SNW1: variants seen among roughly 807,000 people sequenced by gnomAD.
SNW1 encodes the protein SNW domain containing 1.
SNW1 carries 9 observed loss-of-function variants against 75.6 expected under a neutral mutation model. That is an observed-to-expected ratio of 0.12 (90% CI 0.07 to 0.21). The LOEUF is 0.21. Ranked by LOEUF, SNW1 falls within the 10% of genes least tolerant of loss-of-function variation. The pLI, the probability that SNW1 is intolerant of heterozygous loss-of-function variation, is 1.00. For synonymous variants in SNW1, 200 were observed against 219.1 expected (o/e 0.91, Z 0.77); for missense variants, 409 against 670.9 (o/e 0.61, Z 4.31).
chr14:77,725,572 G>A (rs923397213), intron 10 of SNW1, among the ~76,000 whole-genome samples: 1 of 152,172 alleles, frequency 6.6e-6, no homozygotes, highest in African/African-American at 2.4e-5. Context: ...ACAGCATTAT[G>A]TATTGAAGAG....
intron 2 of SNW1, 121 bp downstream of exon 2, chr14:77,754,846 C>G: frequency 1.1e-6 from 1 of 896,318 alleles, no homozygotes; most frequent in Non-Finnish European, 1.6e-6. Flanking sequence ...GAGCACATAA[C>G]CAGAATTTCT....
chr14:77,751,478 A>G lies in SNW1; in HGVS notation c.171T>C (p.Asp57=), dbSNP rs1293124275. The change falls in exon 3 of 14, where the codon GAT becomes GAC. Residue 57 remains aspartate (D), a splice_region_variant and synonymous_variant. Coordinates refer to ENST00000261531, the MANE Select transcript of SNW1 (RefSeq NM_012245.3). Reference sequence around the variant, plus strand: ...CTGGAAAAGCACCTCCATCTCCAAAATCCTACACATTAGAAGTAGTTAAAT... The same window carrying G: ...CTGGAAAAGCACCTCCATCTCCAAAGTCCTACACATTAGAAGTAGTTAAAT... ...RKGWIPRLLE[D]FGDGGAFPEI... is the part of the protein sequence containing the mutation. 2 of 1,601,680 alleles carry G rather than the reference A, an allele frequency of 1.2e-6. No homozygotes were observed.
intron 10 of SNW1, 50 bp from the exon 11 acceptor site, chr14:77,723,327 G>A (rs768917381): frequency 1.5e-6 from 2 of 1,294,560 alleles, no homozygotes; most frequent in African/African-American, 2.9e-5. Context: ...TTATATGTGT[G>A]CATACGTGTA....
intron 2 of SNW1, among the ~76,000 whole-genome samples, chr14:77,752,082 TAA>T (rs749506055): frequency 1.3e-5 from 2 of 152,072 alleles, no homozygotes; most frequent in Non-Finnish European, 2.9e-5. Context: ...CGAAACTAAG[TAA>T]AATGGCTAGG....
intron 10 of SNW1, among the ~76,000 whole-genome samples, chr14:77,724,982 T>TC (rs200490067): frequency 0.011 from 1,624 of 152,208 alleles, 35 homozygotes; most frequent in African/African-American, 0.037. Context: ...GTACTAGTGT[T>TC]CCCCCCCTTC....
chr14:77,741,774 A>T (rs1227629352), intron 3 of SNW1, among the ~76,000 whole-genome samples: 3 of 152,164 alleles, frequency 2.0e-5, no homozygotes, highest in Non-Finnish European at 4.4e-5. Flanking sequence ...AGAGTTAATC[A>T]TGAGGAGTTT....
chr14:77,740,131 A>C (rs139251586), intron 3 of SNW1, among the ~76,000 whole-genome samples: 9 of 69,444 alleles, frequency 1.3e-4, no homozygotes, highest in African/African-American at 4.8e-4. Flanking sequence ...AAGACACTGT[A>C]TATTAAAAAA....
chr14:77,758,105 G>T (rs1354580723), intron 1 of SNW1, among the ~76,000 whole-genome samples: 1 of 152,028 alleles, frequency 6.6e-6, no homozygotes, highest in Non-Finnish European at 1.5e-5. Context: ...CAAGGCAGGT[G>T]GATTACTTGA....
chr14:77,758,319 A>AAAAG (rs1386473484), intron 1 of SNW1, among the ~76,000 whole-genome samples: 1 of 115,344 alleles, frequency 8.7e-6, no homozygotes, highest in Non-Finnish European at 2.1e-5. Flanking sequence ...CTGCCACAAA[A>AAAAG]AAAAAAAAAA....
rs1442237658 is a variant in SNW1 at position 77,741,757 on chromosome 14, T to A, written c.331-2696A>T. On this transcript the variant is annotated intron_variant, in intron 3 of 13. Coordinates refer to ENST00000261531, the MANE Select transcript of SNW1 (RefSeq NM_012245.3). ...AACAACACAAGAAAAAAATACCAAT[T>A]CTATGAAGAGTTAATCATGAGGAGT... Among the ~76,000 whole-genome samples, 4 of 152,072 alleles carry A rather than the reference T, an allele frequency of 2.6e-5. 1 individual carries two copies. Among genetic ancestry groups the A allele is most frequent in the African/African-American group, 9.7e-5 (4 of 41,406 alleles).
chr14:77,720,640 T>C, intron 12 of SNW1, 71 bp downstream of exon 12: 3 of 974,416 alleles, frequency 3.1e-6, no homozygotes, highest in East Asian at 4.8e-5. Flanking sequence ...ATGTAAAGTA[T>C]GTTAATTTTC....
intron 3 of SNW1, among the ~76,000 whole-genome samples, chr14:77,750,667 G>GA (rs34375366): frequency 1.2e-4 from 18 of 149,938 alleles, no homozygotes; most frequent in South Asian, 4.2e-4. Context: ...TTATTTACAA[G>GA]AAAAAAAAAA....
At chr14:77,741,923 A>G (rs1182538215) in intron 3 of SNW1, among the ~76,000 whole-genome samples, 1 of 152,164 alleles carries the variant, frequency 6.6e-6, no homozygotes, top group Admixed American at 6.5e-5. Flanking sequence ...GGGCATTCCA[A>G]AGTTAATAAC....
intron 7 of SNW1, among the ~76,000 whole-genome samples, chr14:77,735,503 G>A (rs1244016134): frequency 6.6e-6 from 1 of 152,182 alleles, no homozygotes; most frequent in African/African-American, 2.4e-5. Flanking sequence ...GGCCGGTCTT[G>A]AACTCCCGAC....
Position 77,738,902 on chromosome 14 carries a change from A to C in SNW1, c.427-18T>G. On this transcript the variant is annotated intron_variant, in intron 4 of 13. Coordinates refer to ENST00000261531, the MANE Select transcript of SNW1 (RefSeq NM_012245.3). The stretch of plus-strand genomic sequence containing the variant: ...TCTGTTATCTGAAATAGGAAATATC[A>C]CATTGAGAGTTTGGAAGTTAATCAG... 6.2e-7 allele frequency: 1 copy of C among 1,611,350 alleles called. No homozygotes were observed. Among genetic ancestry groups the C allele is most frequent in the African/African-American group, 1.3e-5 (1 of 75,000 alleles).
rs1308237877 is a variant in SNW1, at chr14:77,733,670, G to T, written c.775-1069C>A. ...TGAGGTGGGAGGATCGCCTGAGCCTGGGAGGTTGAGGCTGCAGTGAGCCAT... is the reference window on the plus strand; with the variant it reads ...TGAGGTGGGAGGATCGCCTGAGCCTTGGAGGTTGAGGCTGCAGTGAGCCAT... On this transcript the variant is annotated intron_variant, in intron 8 of 13. Coordinates refer to ENST00000261531, the MANE Select transcript of SNW1 (RefSeq NM_012245.3). 2.8e-5 allele frequency among the ~76,000 whole-genome samples: 4 copies of T among 144,102 alleles called. No homozygotes were observed. The Admixed American group carries it at 2.9e-4, about 10-fold the overall frequency. 94.5% of individuals were successfully genotyped at this position (144,102 alleles called of 152,430 possible). A position where few individuals can be genotyped will look rare whatever the true frequency, so the allele number is the denominator to read the frequency against.
intron 3 of SNW1, among the ~76,000 whole-genome samples, chr14:77,748,257 G>A (rs954676583): frequency 1.3e-5 from 2 of 152,104 alleles, no homozygotes; most frequent in Admixed American, 1.3e-4. Flanking sequence ...CAAGTACCCA[G>A]GGACACAAAC....
chr14:77,759,860 G>A (rs991582093), intron 1 of SNW1, among the ~76,000 whole-genome samples: 6 of 151,968 alleles, frequency 3.9e-5, no homozygotes, highest in South Asian at 2.1e-4. Context: ...GCTCATGCCT[G>A]TAATCCTAGC....
intron 3 of SNW1, among the ~76,000 whole-genome samples, chr14:77,746,697 A>T (rs1281518508): frequency 1.3e-5 from 2 of 151,590 alleles, no homozygotes; most frequent in African/African-American, 4.8e-5. Context: ...ATAGATTAAT[A>T]AAAAAAAATG....
Sources: gnomAD v4.1 joint callset for allele counts (sites outside exome capture counted in the v4.1 genomes callset) on GRCh38, gnomAD v4.1.1 for gene constraint, MANE v1.5 for transcripts, NCBI Gene and HGNC (gene_info 2026-07-23, HGNC 2026-07-21) for gene names.